Variants in STAG3 observed in about 807,000 individuals in gnomAD.
The protein encoded by STAG3 is cohesin subunit SA-3.
A neutral mutation model predicts 160.7 loss-of-function variants in STAG3; 101 were observed. The observed-to-expected ratio is 0.63, with a 90% CI of 0.54 to 0.74. The LOEUF is 0.74. STAG3 is among the 30% of genes least tolerant of loss of function. STAG3 has a pLI of 0.00. For missense variants in STAG3, 1,188 were observed against 1,517.4 expected (o/e 0.78, Z 3.61); for synonymous variants, 519 against 585.0 (o/e 0.89, Z 1.63).
At position 100,200,477 on chromosome 7, in the gene STAG3, A is replaced by G. The variant is rs1433479841; in HGVS notation, c.1795A>G (p.Thr599Ala). 7.4e-6 allele frequency: 12 copies of G among 1,613,678 alleles called. No individual in the cohort carries two copies. In the African/African-American group the frequency reaches 1.2e-4, roughly 16 times the overall value. ...AKFSADAEKV[T>A]PLLQLLSCFD... is the part of the protein sequence containing the mutation. ...GTTCTCAGCTGATGCAGAGAAGGTC[A>G]CTCCCCTGCTCCAGCTTCTCAGCTG... Residue 599 changes from threonine (T) to alanine (A), a missense_variant, in exon 18 of 34, where the codon ACT becomes GCT. Physicochemically the swap from Thr to Ala is moderately conservative, Grantham distance 58. Coordinates refer to ENST00000615138, the MANE Select transcript of STAG3 (RefSeq NM_001282717.2).
intron 10 of STAG3, 111 bp downstream of exon 10, chr7:100,197,390 T>G (rs564540359): frequency 4.1e-6 from 6 of 1,473,070 alleles, no homozygotes; most frequent in South Asian, 1.1e-5. Flanking sequence ...TGACCAATGA[T>G]GAACCCATCA....
chr7:100,204,247 G>C, intron 26 of STAG3, 125 bp downstream of exon 26: 1 of 707,534 alleles, frequency 1.4e-6, no homozygotes, highest in Non-Finnish European at 2.4e-6. Flanking sequence ...TTAACTTTAC[G>C]TGATAGGTTC....
chr7:100,215,702 T>C (rs1802699577), downstream of STAG3, among the ~76,000 whole-genome samples: 1 of 152,096 alleles, frequency 6.6e-6, no homozygotes, highest in South Asian at 2.1e-4. Context: ...CCCAGTGCAC[T>C]GGGTTGAGTC....
chr7:100,218,340 G>T (rs61116265), downstream of STAG3: 5,204 of 179,716 alleles, frequency 0.029, no homozygotes, highest in African/African-American at 0.12. Context: ...TATAATCATA[G>T]CTATAATCTA....
At chr7:100,202,395 A>G (rs1801221786) in intron 24 of STAG3, 55 bp downstream of exon 24, 8 of 1,609,464 alleles carry the variant, frequency 5.0e-6, no homozygotes, top group Non-Finnish European at 6.8e-6. Context: ...GGTGTAGCTC[A>G]GAAATATAGG....
At chr7:100,197,302 T>G (rs1800752299) in intron 10 of STAG3, 23 bp downstream of exon 10, 2 of 1,605,084 alleles carry the variant, frequency 1.2e-6, no homozygotes, top group Non-Finnish European at 1.7e-6. Flanking sequence ...TCAGTTTCCC[T>G]TTCCGTTTCC....
intron 21 of STAG3, 126 bp downstream of exon 21, chr7:100,201,477 G>A: frequency 1.2e-6 from 1 of 800,452 alleles, no homozygotes; most frequent in Non-Finnish European, 2.0e-6. Flanking sequence ...AAGATCAGGT[G>A]GGTGGGGGTC....
Position 100,201,856 on chromosome 7 carries a change from A to G in STAG3, c.2291A>G (p.Asp764Gly). 6.2e-7 allele frequency: 1 copy of G among 1,614,070 alleles called. No homozygotes were observed. Among genetic ancestry groups the G allele is most frequent in the Non-Finnish European group, 8.5e-7 (1 of 1,179,996 alleles). The stretch of plus-strand genomic sequence containing the variant: ...ACACTAACCCACATTTCTAAATCAG[A>G]TGCTTCCCAGGTGAGTGTGGGTCTT... ...LWTLTHISKS[D>G]ASQKQLSSLR... The change falls in exon 22 of 34, where the codon GAT becomes GGT. Residue 764 changes from aspartate (D) to glycine (G), a missense_variant. Asp to Gly is a moderately conservative substitution (Grantham distance 94). Around this residue, in one of 4 missense-constraint regions of STAG3, gnomAD observed 647 missense variants for 717.2 expected, o/e 0.90. Transcript: ENST00000615138.
At chr7:100,218,176 G>A (rs1163164100), downstream of STAG3, 1 of 152,296 alleles carries the variant, frequency 6.6e-6, no homozygotes, top group Non-Finnish European at 1.4e-5. Context: ...GCATGACAGA[G>A]GGTTCACACT....
chr7:100,201,770 C>T lies in STAG3; in HGVS notation c.2221-16C>T, dbSNP rs752548028. The T allele has an allele frequency of 2.5e-6, 4 of 1,613,372 alleles. No homozygotes were observed. In the Admixed American group the frequency reaches 5.0e-5, roughly 20 times the overall value. ...CCTAACCCAAACCTCATTTTTCAAA[C>T]CCTTTGTTGTTACAGGTTATCCTGC... On this transcript the variant is annotated splice_polypyrimidine_tract_variant and intron_variant, in intron 21 of 33. Transcript: ENST00000615138.
Position 100,198,516 on chromosome 7 carries a change from T to A in STAG3, c.1286T>A (p.Val429Asp). 1 of 1,614,216 alleles carries A rather than the reference T, an allele frequency of 6.2e-7. No homozygotes were observed. Among genetic ancestry groups the A allele is most frequent in the Non-Finnish European group, 8.5e-7 (1 of 1,180,044 alleles). Residue 429 changes from valine to aspartate, a missense_variant, in exon 13 of 34, where the codon GTC (valine) becomes GAC (aspartate). By Grantham distance (152) the Val-to-Asp change is radical. Transcript: ENST00000615138. ...CTGACGGACGCGGATTGTGAGAGCG[T>A]CTACCCAGTTGTGTATGCCTCTCAT... ...GVLTDADCES[V>D]YPVVYASHRG...
chr7:100,218,373 T>G (rs898466042), downstream of STAG3: 27 of 184,824 alleles, frequency 1.5e-4, no homozygotes, highest in African/African-American at 5.9e-4. Flanking sequence ...CTATTCTTAT[T>G]CTATGTATTT....
downstream of STAG3, among the ~76,000 whole-genome samples, chr7:100,216,602 C>T (rs1326281045): frequency 6.6e-6 from 1 of 151,982 alleles, no homozygotes; most frequent in Non-Finnish European, 1.5e-5. Context: ...AGATTGAGAC[C>T]ATCCTGGCCA....
In STAG3 at chr7:100,198,104, G is replaced by C. The variant is rs2117262305; in HGVS notation, c.1182G>C (p.Met394Ile). ...TSRFKDRMVS[M>I]VMDREYDVAV... Reference sequence around the variant, plus strand: ...TTCTGCAGGACCGGATGGTTTCCATGGTCATGGACAGAGAGTATGATGTGG... The same window carrying C: ...TTCTGCAGGACCGGATGGTTTCCATCGTCATGGACAGAGAGTATGATGTGG... Residue 394 changes from methionine to isoleucine, a missense_variant, in exon 12 of 34, where the codon ATG becomes ATC. This residue lies in a region of STAG3 where 240 missense variants were observed against 358.1 expected (regional missense o/e 0.67). Coordinates refer to ENST00000615138, the MANE Select transcript of STAG3 (RefSeq NM_001282717.2). 1 of 1,613,942 alleles carries C rather than the reference G, an allele frequency of 6.2e-7. No individual in the cohort carries two copies. The highest frequency in any genetic ancestry group is 1.7e-5 in the Admixed American group (1 of 60,024).
intron 12 of STAG3, 109 bp from the exon 13 acceptor site, chr7:100,198,366 T>C (rs1421338962): frequency 7.5e-7 from 1 of 1,325,272 alleles, no homozygotes; most frequent in Non-Finnish European, 1.1e-6. Context: ...ATTTAGAAGT[T>C]TTTTGTGAGT....
At chr7:100,200,591 A>T (rs1348644885) in intron 18 of STAG3, 49 bp downstream of exon 18, 1 of 1,593,446 alleles carries the variant, frequency 6.3e-7, no homozygotes, top group Admixed American at 1.7e-5. Flanking sequence ...CCAGGGCCAA[A>T]GGGTTCTATT....
intron 5 of STAG3, among the ~76,000 whole-genome samples, chr7:100,187,539 G>T (rs1322296930): frequency 6.6e-6 from 1 of 152,184 alleles, no homozygotes; most frequent in Non-Finnish European, 1.5e-5. Context: ...GCCTGAGCTG[G>T]AACTGAAGGT....
At chr7:100,208,756 C>A (rs1042128440) in intron 29 of STAG3, among the ~76,000 whole-genome samples, 1 of 152,128 alleles carries the variant, frequency 6.6e-6, no homozygotes, top group Admixed American at 6.5e-5. Flanking sequence ...AAAAGCTAAA[C>A]ATCTCTTTCT....
In STAG3 at chr7:100,180,692, T is replaced by C. The variant is rs372403099; in HGVS notation, c.116+20T>C. On this transcript the variant is annotated intron_variant, in intron 2 of 33. Coordinates refer to ENST00000615138, the MANE Select transcript of STAG3 (RefSeq NM_001282717.2). ...AGAGGGGTAAGTAGATGTTGCATTGTGTGGCCACTTCCTGTGTCCCTGGCA... is the reference window on the plus strand; with the variant it reads ...AGAGGGGTAAGTAGATGTTGCATTGCGTGGCCACTTCCTGTGTCCCTGGCA... The C allele has an allele frequency of 7.0e-7, 1 of 1,425,384 alleles. No homozygotes were observed. The highest frequency in any genetic ancestry group is 9.9e-7 in the Non-Finnish European group (1 of 1,006,860). 88.3% of individuals were successfully genotyped at this position (1,425,384 alleles called of 1,614,324 possible).
Sources: allele counts gnomAD v4.1 joint callset (sites outside exome capture counted in the v4.1 genomes callset), GRCh38; gene constraint gnomAD v4.1.1; regional missense constraint gnomAD v4.1.1; transcripts MANE v1.5; gene names NCBI Gene and HGNC (gene_info 2026-07-23, HGNC 2026-07-21).